The following ZCCHC10 variants were observed in gnomAD, a reference collection of about 807,000 sequenced individuals.
The protein encoded by ZCCHC10 is zinc finger CCHC domain-containing protein 10.
Under a neutral mutation model 19.5 loss-of-function variants are expected in ZCCHC10, and 16 were observed. The observed-to-expected ratio is 0.82, with a 90% CI of 0.56 to 1.25. The LOEUF is 1.25. ZCCHC10 is among the 50% of genes most tolerant of loss of function. ZCCHC10 has a pLI of 0.00. For missense variants in ZCCHC10, 197 were observed against 201.0 expected, an observed-to-expected ratio of 0.98 and a Z score of 0.12; for synonymous variants, 67 against 72.5, an observed-to-expected ratio of 0.92 and a Z score of 0.38.
intron 2 of ZCCHC10, among the ~76,000 whole-genome samples, chr5:133,014,682 T>G (rs1340352923): frequency 4.6e-5 from 7 of 152,182 alleles, no homozygotes; most frequent in Non-Finnish European, 8.8e-5. Flanking sequence ...GTTGGAAAAT[T>G]TGCTTCCAAG....
Position 133,000,191 on chromosome 5 carries a change from G to A in ZCCHC10, c.270-18C>T. On this transcript the variant is annotated intron_variant, in intron 3 of 4. Transcript: ENST00000509437. ...CTCCAATGCTGATAAACACGAGGGG[G>A]AAAAAAGCTCCTGTTAATAGAGTGA... The A allele has an allele frequency of 6.2e-7, 1 of 1,611,080 alleles. No homozygotes were observed. Among genetic ancestry groups the A allele is most frequent in the Non-Finnish European group, 8.5e-7 (1 of 1,179,082 alleles).
chr5:133,015,079 T>TTA (rs897564319), intron 2 of ZCCHC10, among the ~76,000 whole-genome samples: 4 of 147,504 alleles, frequency 2.7e-5, no homozygotes, highest in African/African-American at 1.0e-4. Context: ...ACTGTGAGGT[T>TTA]TTTTTTTTTT....
intron 2 of ZCCHC10, among the ~76,000 whole-genome samples, chr5:133,019,415 ATTTCT>A (rs1484798965): frequency 3.9e-5 from 6 of 152,170 alleles, no homozygotes; most frequent in African/African-American, 1.2e-4. Flanking sequence ...ACAATATTTC[ATTTCT>A]ATTTGCTAAG....
At chr5:133,019,185 A>C (rs1399664886) in intron 2 of ZCCHC10, 4 of 393,754 alleles carry the variant, frequency 1.0e-5, no homozygotes. Context: ...GTTTGAGACC[A>C]GCCTGGGCAA....
intron 2 of ZCCHC10, among the ~76,000 whole-genome samples, chr5:133,016,529 G>A (rs1236884185): frequency 6.6e-6 from 1 of 151,798 alleles, no homozygotes; most frequent in East Asian, 1.9e-4. Flanking sequence ...TGCAACCTCC[G>A]CCTCCGGGGT....
chr5:133,013,679 G>A (rs1041183422), intron 2 of ZCCHC10, among the ~76,000 whole-genome samples: 3 of 151,632 alleles, frequency 2.0e-5, no homozygotes, highest in South Asian at 2.1e-4. Flanking sequence ...CCAAGATTGC[G>A]CCACTGCATT....
intron 2 of ZCCHC10, among the ~76,000 whole-genome samples, chr5:133,011,846 A>G (rs1330763322): frequency 6.6e-6 from 1 of 151,952 alleles, no homozygotes; most frequent in Non-Finnish European, 1.5e-5. Context: ...AAATATGTAC[A>G]CAGCCAGGCT....
At chr5:133,025,428 C>T (rs1041947575) in intron 1 of ZCCHC10, among the ~76,000 whole-genome samples, 3 of 131,770 alleles carry the variant, frequency 2.3e-5, no homozygotes, top group African/African-American at 8.6e-5. Context: ...GGCGTGAACC[C>T]GGGGGGCGGA....
intron 1 of ZCCHC10, among the ~76,000 whole-genome samples, chr5:133,025,300 C>G (rs889782581): frequency 6.6e-6 from 1 of 151,718 alleles, no homozygotes; most frequent in Non-Finnish European, 1.5e-5. Context: ...GTCAGGGGAT[C>G]GAGACCATCC....
intron 4 of ZCCHC10, 89 bp from the exon 5 acceptor site, chr5:132,998,939 A>C: frequency 6.6e-7 from 1 of 1,519,284 alleles, no homozygotes; most frequent in Non-Finnish European, 8.8e-7. Context: ...TTTTCGAGAC[A>C]GAGTCTTGCT....
chr5:133,025,503 C>CA (rs74843776), intron 1 of ZCCHC10, among the ~76,000 whole-genome samples: 2,066 of 18,494 alleles, frequency 0.11, 232 homozygotes, highest in Non-Finnish European at 0.17. Context: ...GACTCCGCCT[C>CA]AAAAAAAAAA....
intron 2 of ZCCHC10, among the ~76,000 whole-genome samples, chr5:133,012,650 C>T (rs1010459105): frequency 5.9e-5 from 9 of 152,054 alleles, no homozygotes; most frequent in Admixed American, 5.2e-4. Context: ...CACAGTGGCT[C>T]ATGCCTATAA....
At chr5:133,001,214 CCT>C (rs879529128) in intron 3 of ZCCHC10, among the ~76,000 whole-genome samples, 1 of 151,490 alleles carries the variant, frequency 6.6e-6, no homozygotes, top group Admixed American at 6.6e-5. Context: ...ATGGTGAAAC[CCT>C]GTCTCTACTA....
chr5:133,000,060 T>C, intron 4 of ZCCHC10, 72 bp downstream of exon 4: 1 of 1,543,654 alleles, frequency 6.5e-7, no homozygotes, highest in Non-Finnish European at 8.9e-7. Context: ...GCTATTGTTT[T>C]AAAATCACCT....
At chr5:133,026,313 TC>T (rs1764705862) in intron 1 of ZCCHC10, among the ~76,000 whole-genome samples, 183 bp downstream of exon 1, 1 of 152,140 alleles carries the variant, frequency 6.6e-6, no homozygotes, top group Non-Finnish European at 1.5e-5. Context: ...GCGGCTGTCT[TC>T]CGCGAAATCG....
chr5:133,019,295 A>G, intron 2 of ZCCHC10: 1 of 204,412 alleles, frequency 4.9e-6, no homozygotes, highest in Admixed American at 5.9e-5. Context: ...CAACTCACAA[A>G]TCACCCCTAA....
intron 3 of ZCCHC10, chr5:133,003,135 G>T: frequency 3.2e-6 from 1 of 309,378 alleles, no homozygotes; most frequent in South Asian, 3.4e-5. Context: ...GCCAGATCAT[G>T]GGTCAGGCCA....
chr5:133,008,262 G>A (rs578227804), intron 2 of ZCCHC10, among the ~76,000 whole-genome samples: 9 of 137,766 alleles, frequency 6.5e-5, no homozygotes, highest in South Asian at 2.3e-4. Flanking sequence ...AAATCAGGCC[G>A]GGAGCAGTGG....
In ZCCHC10 at chr5:133,014,182, G is replaced by A. The variant is rs1010133031; in HGVS notation, c.108-7262C>T. Among the ~76,000 whole-genome samples, 8 of 134,414 alleles carry A rather than the reference G, an allele frequency of 6.0e-5. No homozygotes were observed. The East Asian group carries it at 6.4e-4, about 11-fold the overall frequency. The allele number at this position is 134,414 out of a possible 152,430, so 88.2% of individuals were successfully genotyped here. A position where few individuals can be genotyped will look rare whatever the true frequency, so the allele number is the denominator to read the frequency against. On this transcript the variant is annotated intron_variant, in intron 2 of 4. Coordinates refer to ENST00000509437, the MANE Select transcript of ZCCHC10 (RefSeq NM_001300816.3). ...TTTTTTTTTTTTTTTTTTTTGAGAC[G>A]GAGTTTTGCTCTTGTTGCCCAGGCT...
Sources: allele counts gnomAD v4.1 joint callset (sites outside exome capture counted in the v4.1 genomes callset), GRCh38; gene constraint gnomAD v4.1.1; transcripts MANE v1.5; gene names NCBI Gene and HGNC (gene_info 2026-07-23, HGNC 2026-07-21).